Variants in YTHDC2 observed in about 807,000 individuals in gnomAD.
YTHDC2 encodes the protein 3'-5' RNA helicase YTHDC2.
A neutral mutation model predicts 174.9 loss-of-function variants in YTHDC2; 45 were observed. The observed-to-expected ratio is 0.26, with a 90% confidence interval of 0.20 to 0.33. The LOEUF (loss-of-function observed/expected upper bound fraction) is 0.33. Ranked by LOEUF, YTHDC2 falls within the 10% of genes least tolerant of loss-of-function variation. YTHDC2 has a pLI of 1.00. For synonymous variants in YTHDC2, 657 were observed against 574.5 expected, an observed-to-expected ratio of 1.14 and a Z score of -2.05; for missense variants, 1,650 against 1,723.7, an observed-to-expected ratio of 0.96 and a Z score of 0.76.
chr5:113,566,383 T>C (rs1162082337), intron 21 of YTHDC2, among the ~76,000 whole-genome samples: 1 of 152,008 alleles, frequency 6.6e-6, no homozygotes, highest in African/African-American at 2.4e-5. Flanking sequence ...TTTAAAAAAT[T>C]GATATGAATG....
chr5:113,514,284 C>T, intron 1 of YTHDC2: 1 of 719,880 alleles, frequency 1.4e-6, no homozygotes, highest in Non-Finnish European at 2.5e-6. Flanking sequence ...AGGTGCTCTG[C>T]GGATCAATGG....
intron 26 of YTHDC2, among the ~76,000 whole-genome samples, chr5:113,587,513 ATG>A (rs1444244885): frequency 7.4e-6 from 1 of 135,196 alleles, no homozygotes; most frequent in Non-Finnish European, 1.5e-5. Flanking sequence ...ATGTATTTAT[ATG>A]TAATATATAT....
At chr5:113,516,463 T>C (rs1481885233) in intron 2 of YTHDC2, among the ~76,000 whole-genome samples, 1 of 152,198 alleles carries the variant, frequency 6.6e-6, no homozygotes, top group Non-Finnish European at 1.5e-5. Flanking sequence ...ATAAGGATGG[T>C]GGGATCAATG....
At chr5:113,559,823 G>A (rs1776843015) in intron 17 of YTHDC2, among the ~76,000 whole-genome samples, 2 of 152,190 alleles carry the variant, frequency 1.3e-5, no homozygotes. Context: ...GGCTTTACCA[G>A]TATGATCCTG....
intron 25 of YTHDC2, chr5:113,582,168 C>T (rs964198552): frequency 6.6e-6 from 1 of 152,368 alleles, no homozygotes; most frequent in African/African-American, 2.4e-5. Flanking sequence ...AAGTACTTCA[C>T]TCAGTGACAC....
rs183460628 is a variant in YTHDC2 at position 113,587,698 on chromosome 5, C to T, written c.3825+3219C>T. Among the ~76,000 whole-genome samples, 21 of 150,164 alleles carry T rather than the reference C, an allele frequency of 1.4e-4. No individual in the cohort carries two copies. The East Asian group carries it at 3.9e-3, about 28-fold the overall frequency. On this transcript the variant is annotated intron_variant, in intron 26 of 29. Transcript: ENST00000161863. ...ATCAGTTAATCCTTCAATCAATTGT[C>T]CTTCAACTTTGTTTATCTTCTTCAA... is the stretch of plus-strand genomic sequence containing the variant.
intron 2 of YTHDC2, among the ~76,000 whole-genome samples, chr5:113,518,885 T>C (rs1381450919): frequency 6.6e-6 from 1 of 152,148 alleles, no homozygotes; most frequent in Non-Finnish European, 1.5e-5. Context: ...CTGCTTTGAT[T>C]ATTTTTATTT....
At chr5:113,555,991 C>T in intron 16 of YTHDC2, 61 bp from the exon 17 acceptor site, 1 of 988,556 alleles carries the variant, frequency 1.0e-6, no homozygotes, top group Non-Finnish European at 1.5e-6. Context: ...TGATAACATT[C>T]TTGCTATTAC....
At chr5:113,562,591 C>G (rs1003204157) in intron 18 of YTHDC2, among the ~76,000 whole-genome samples, 1 of 152,116 alleles carries the variant, frequency 6.6e-6, no homozygotes, top group South Asian at 2.1e-4. Flanking sequence ...TTTCTTGTTA[C>G]TTATCCTCTC....
At chr5:113,571,774 A>G (rs938190548) in intron 23 of YTHDC2, among the ~76,000 whole-genome samples, 1 of 152,160 alleles carries the variant, frequency 6.6e-6, no homozygotes, top group African/African-American at 2.4e-5. Flanking sequence ...AGGTGTTTAT[A>G]GTATCCTTTG....
chr5:113,593,440 AC>A, intron 29 of YTHDC2, 41 bp from the exon 30 acceptor site: 3 of 1,388,790 alleles, frequency 2.2e-6, no homozygotes, highest in Non-Finnish European at 3.0e-6. Flanking sequence ...ATCATTAGGA[AC>A]CTTTCAGATT....
intron 4 of YTHDC2, among the ~76,000 whole-genome samples, chr5:113,531,428 A>C (rs1306959132): frequency 2.0e-5 from 3 of 152,144 alleles, no homozygotes; most frequent in African/African-American, 7.2e-5. Context: ...ACTAGAGGGT[A>C]ATTGACATTG....
chr5:113,562,246 T>A (rs907754612), intron 18 of YTHDC2, among the ~76,000 whole-genome samples: 2 of 147,520 alleles, frequency 1.4e-5, no homozygotes, highest in Non-Finnish European at 3.0e-5. Context: ...AAATTGCCTG[T>A]TCCTGCCTGT....
chr5:113,570,116 A>T (rs903590792), intron 23 of YTHDC2, among the ~76,000 whole-genome samples: 2 of 151,684 alleles, frequency 1.3e-5, no homozygotes, highest in Non-Finnish European at 2.9e-5. Context: ...CATTTTTTTG[A>T]GATGGAGTCT....
At chr5:113,571,939 T>A (rs555398248) in intron 23 of YTHDC2, among the ~76,000 whole-genome samples, 3 of 152,218 alleles carry the variant, frequency 2.0e-5, no homozygotes, top group Non-Finnish European at 4.4e-5. Context: ...TTTGCTGATT[T>A]TTTTGGAGGG....
chr5:113,517,690 C>G (rs1208691769), intron 2 of YTHDC2: 1 of 399,994 alleles, frequency 2.5e-6, no homozygotes, highest in Non-Finnish European at 5.0e-6. Context: ...CTAGCTCCTT[C>G]TCTCTTTTTT....
Position 113,521,744 on chromosome 5 carries a change from GA to G in YTHDC2, c.279-3229del, listed in dbSNP as rs576067211. On this transcript the variant is annotated intron_variant, in intron 2 of 29. Transcript: ENST00000161863. ...AGACTCTGTCTCAAAAAAAAAAAAAGAAAAAAAACCCAGAAAAATAAATTTA... is the reference window on the plus strand; with the variant it reads ...AGACTCTGTCTCAAAAAAAAAAAAAGAAAAAAACCCAGAAAAATAAATTTA... 8.8e-3 allele frequency among the ~76,000 whole-genome samples: 895 copies of G among 102,084 alleles called. 8 individuals are homozygous for G. Among genetic ancestry groups the G allele is most frequent in the African/African-American group, 0.03 (834 of 27,438 alleles). The allele number at this position is 102,084 out of a possible 152,430, so 67.0% of individuals were successfully genotyped here.
intron 23 of YTHDC2, among the ~76,000 whole-genome samples, chr5:113,576,174 AT>A (rs1409421029): frequency 1.3e-5 from 2 of 152,260 alleles, no homozygotes; most frequent in African/African-American, 4.8e-5. Flanking sequence ...AGCAATACAA[AT>A]TTGGAAGTCA....
At chr5:113,536,440 G>T (rs1336246089) in intron 7 of YTHDC2, among the ~76,000 whole-genome samples, 2 of 152,202 alleles carry the variant, frequency 1.3e-5, no homozygotes, top group Non-Finnish European at 2.9e-5. Context: ...CAGGAGAATG[G>T]CGTGAACCCA....
Sources: gnomAD v4.1 joint callset for allele counts (sites outside exome capture counted in the v4.1 genomes callset) on GRCh38, gnomAD v4.1.1 for gene constraint, MANE v1.5 for transcripts, NCBI Gene and HGNC (gene_info 2026-07-23, HGNC 2026-07-21) for gene names.